ALK: variants seen among roughly 807,000 people sequenced by gnomAD.
The protein encoded by ALK is ALK receptor tyrosine kinase, also known as ALK tyrosine kinase receptor.
A neutral mutation model predicts 163.1 loss-of-function variants in ALK; 74 were observed. That is an observed-to-expected ratio of 0.45 (90% CI 0.38 to 0.55). The LOEUF is 0.55. Among genes scored for constraint, ALK ranks in the 20% least tolerant of loss-of-function variants. The probability of loss-of-function intolerance (pLI) is 0.00; values close to 1 mark genes in which losing one functional copy is unlikely to be tolerated. For missense variants in ALK, 2,063 were observed against 2,105.3 expected (o/e 0.98, Z 0.39); for synonymous variants, 960 against 843.2 (o/e 1.14, Z -2.40).
At chr2:29,681,149 T>C (rs1231971729) in intron 3 of ALK, 3 of 152,384 alleles carry the variant, frequency 2.0e-5, no homozygotes, top group Non-Finnish European at 2.9e-5. Flanking sequence ...AGTTCATCCT[T>C]TTTTAGGCAA....
intron 4 of ALK, among the ~76,000 whole-genome samples, chr2:29,530,738 G>A (rs187772092): frequency 6.6e-6 from 1 of 152,192 alleles, no homozygotes; most frequent in Non-Finnish European, 1.5e-5. Flanking sequence ...GGGCAGCCCA[G>A]ACACCTGCTA....
chr2:29,804,636 T>A (rs1313484653), intron 1 of ALK, among the ~76,000 whole-genome samples: 3 of 152,160 alleles, frequency 2.0e-5, no homozygotes, highest in Non-Finnish European at 4.4e-5. Flanking sequence ...CTGCGTTGGG[T>A]TTAAGGTGAT....
chr2:29,404,611 A>G (rs936160492), intron 4 of ALK, among the ~76,000 whole-genome samples: 1 of 152,242 alleles, frequency 6.6e-6, no homozygotes, highest in Non-Finnish European at 1.5e-5. Context: ...CAAGGCACCT[A>G]TAAGCAATTT....
intron 1 of ALK, among the ~76,000 whole-genome samples, chr2:29,831,600 A>C (rs1343212530): frequency 6.6e-6 from 1 of 152,098 alleles, no homozygotes; most frequent in African/African-American, 2.4e-5. Flanking sequence ...TTCTATCATC[A>C]CTATAATTTA....
At chr2:29,431,433 T>C (rs1188999494) in intron 4 of ALK, among the ~76,000 whole-genome samples, 1 of 152,190 alleles carries the variant, frequency 6.6e-6, no homozygotes, top group Non-Finnish European at 1.5e-5. Flanking sequence ...TTAGCTAAAA[T>C]TAAGTCCCAA....
intron 5 of ALK, among the ~76,000 whole-genome samples, chr2:29,383,208 T>G (rs775641148): frequency 3.9e-5 from 6 of 152,158 alleles, no homozygotes; most frequent in Non-Finnish European, 7.4e-5. Context: ...TTCCCTTCTA[T>G]GTGCCTATGT....
chr2:29,905,050 G>C (rs992685977), intron 1 of ALK, among the ~76,000 whole-genome samples: 3 of 152,208 alleles, frequency 2.0e-5, no homozygotes, highest in African/African-American at 7.2e-5. Context: ...TCTGATAAAG[G>C]AGAGGACATG....
chr2:29,248,117 G>C (rs1558637157), intron 12 of ALK, among the ~76,000 whole-genome samples: 2 of 152,098 alleles, frequency 1.3e-5, no homozygotes, highest in African/African-American at 2.4e-5. Flanking sequence ...CCAAGGCCAA[G>C]GAGGAGGTGA....
chr2:29,684,301 T>C (rs901357182), intron 3 of ALK, among the ~76,000 whole-genome samples: 1 of 152,196 alleles, frequency 6.6e-6, no homozygotes, highest in African/African-American at 2.4e-5. Flanking sequence ...CACATACTTT[T>C]ATAGATGATC....
chr2:29,341,370 C>G (rs1195609691), intron 5 of ALK, among the ~76,000 whole-genome samples: 1 of 152,190 alleles, frequency 6.6e-6, no homozygotes, highest in Non-Finnish European at 1.5e-5. Flanking sequence ...GAAACTGCAA[C>G]TGGCATGGGC....
At chr2:29,843,518 G>A (rs1450088874) in intron 1 of ALK, among the ~76,000 whole-genome samples, 6 of 152,178 alleles carry the variant, frequency 3.9e-5, no homozygotes, top group African/African-American at 1.4e-4. Flanking sequence ...CATATGGATG[G>A]CTGCTGATGG....
chr2:29,242,369 C>T (rs1664546662), intron 12 of ALK, among the ~76,000 whole-genome samples: 2 of 152,256 alleles, frequency 1.3e-5, no homozygotes, highest in South Asian at 4.1e-4. Flanking sequence ...TTCCTTTTGG[C>T]ATCATTTGCA....
At chr2:29,878,316 T>C (rs1025847931) in intron 1 of ALK, among the ~76,000 whole-genome samples, 1 of 151,920 alleles carries the variant, frequency 6.6e-6, no homozygotes, top group African/African-American at 2.4e-5. Flanking sequence ...CTCTAGGAGG[T>C]TGATTGAAAA....
intron 1 of ALK, among the ~76,000 whole-genome samples, chr2:29,794,420 G>A (rs150536439): frequency 1.3e-5 from 2 of 152,208 alleles, no homozygotes; most frequent in East Asian, 3.9e-4. Context: ...TGTGTTCACT[G>A]GGGTAGCACT....
At chr2:29,423,605 G>C (rs917223864) in intron 4 of ALK, among the ~76,000 whole-genome samples, 8 of 152,204 alleles carry the variant, frequency 5.3e-5, no homozygotes, top group African/African-American at 1.9e-4. Context: ...CAATAAAACT[G>C]CCATAAACTG....
Position 29,785,494 on chromosome 2 carries a change from T to A in ALK, c.668-67797A>T, listed in dbSNP as rs559113569. Among the ~76,000 whole-genome samples the A allele has an allele frequency of 2.6e-5, 4 of 152,256 alleles. 1 individual carries two copies. The South Asian group carries it at 8.3e-4, about 32-fold the overall frequency. On this transcript the variant is annotated intron_variant, in intron 1 of 28. Transcript: ENST00000389048. ...GCCTACCTTCTGTTAAATAGAAAGC[T>A]CCCAAATACATCTGAAAGATGATTC...
chr2:29,222,136 C>T (rs1278606934), intron 22 of ALK, among the ~76,000 whole-genome samples: 5 of 152,102 alleles, frequency 3.3e-5, no homozygotes, highest in African/African-American at 1.2e-4. Flanking sequence ...ATTATTAGGC[C>T]ACACAGACTT....
chr2:29,612,210 T>C (rs1675712790), intron 3 of ALK, among the ~76,000 whole-genome samples: 1 of 152,186 alleles, frequency 6.6e-6, no homozygotes, highest in Non-Finnish European at 1.5e-5. Flanking sequence ...GCAGTTGCCA[T>C]CTCAGTAGTG....
intron 3 of ALK, among the ~76,000 whole-genome samples, chr2:29,692,419 G>C (rs970516640): frequency 6.6e-6 from 1 of 152,238 alleles, no homozygotes. Context: ...TCAAGGACTA[G>C]TTTCTTGGAA....
Sources: allele counts gnomAD v4.1 joint callset (sites outside exome capture counted in the v4.1 genomes callset), GRCh38; gene constraint gnomAD v4.1.1; transcripts MANE v1.5; gene names NCBI Gene and HGNC (gene_info 2026-07-23, HGNC 2026-07-21).